The following GJD4 variants were observed in gnomAD, a reference collection of about 807,000 sequenced individuals.
The protein encoded by GJD4 is gap junction protein delta 4, also known as gap junction delta-4 protein.
GJD4 carries 18 observed loss-of-function variants against 17.9 expected under a neutral mutation model. That is an observed-to-expected ratio of 1.00 (90% CI 0.69 to 1.49). The LOEUF is 1.49. GJD4 is among the 40% of genes most tolerant of loss of function. The pLI is 0.00. For synonymous variants in GJD4, 293 were observed against 236.8 expected, an observed-to-expected ratio of 1.24 and a Z score of -2.18; for missense variants, 639 against 506.9, an observed-to-expected ratio of 1.26 and a Z score of -2.50.
intron 1 of GJD4, 81 bp downstream of exon 1, chr10:35,605,712 A>G: frequency 9.1e-7 from 1 of 1,100,310 alleles, no homozygotes; most frequent in Non-Finnish European, 1.4e-6. Flanking sequence ...TAAAGGGTCC[A>G]GGTATTTACT....
rs759952364 is a variant in GJD4, at chr10:35,608,009, G to C, written c.496G>C (p.Gly166Arg). ...AFGALHYFLF[G>R]FLAPKKFPCT... ...CGGGGCCTTGCACTACTTTCTCTTT[G>C]GATTCCTGGCCCCGAAGAAGTTCCC... Residue 166 changes from glycine to arginine, a missense_variant, in exon 2 of 2, where the codon GGA (glycine) becomes CGA (arginine). By Grantham distance (125) the Gly-to-Arg change is moderately radical. Coordinates refer to ENST00000321660, the MANE Select transcript of GJD4 (RefSeq NM_153368.3). 1.9e-6 allele frequency: 3 copies of C among 1,611,944 alleles called. No homozygotes were observed. Among genetic ancestry groups the C allele is most frequent in the Non-Finnish European group, 2.5e-6 (3 of 1,179,556 alleles).
rs200540234 is a variant in GJD4, at chr10:35,607,682, C to G, written c.169C>G (p.Leu57Val). The G allele has an allele frequency of 2.4e-5, 38 of 1,614,166 alleles. No individual in the cohort carries two copies. The Middle Eastern group carries it at 5.0e-4, about 21-fold the overall frequency. ...DEQERFVCNTLQPGCANVCYD... is the reference protein window; with the variant it reads ...DEQERFVCNTVQPGCANVCYD... The stretch of plus-strand genomic sequence containing the variant: ...GCAGGAGAGGTTTGTCTGCAACACG[C>G]TGCAGCCGGGATGCGCCAATGTTTG... The change falls in exon 2 of 2, where the codon CTG becomes GTG. Residue 57 changes from leucine (L) to valine (V), a missense_variant. Transcript: ENST00000321660.
Position 35,608,919 on chromosome 10 carries a change from C to A in GJD4, c.*293C>A. 3 of 202,674 alleles carry A rather than the reference C, an allele frequency of 1.5e-5. No homozygotes were observed. Among genetic ancestry groups the A allele is most frequent in the Non-Finnish European group, 2.6e-5 (3 of 114,690 alleles). The allele number at this position is 202,674 out of a possible 1,614,324, so 12.6% of individuals were successfully genotyped here. A position where few individuals can be genotyped will look rare whatever the true frequency, so the allele number is the denominator to read the frequency against. On this transcript the variant is annotated 3_prime_UTR_variant, in exon 2 of 2. Coordinates refer to ENST00000321660, the MANE Select transcript of GJD4 (RefSeq NM_153368.3). Reference sequence around the variant, plus strand: ...CGGCACTGCGCTGCAGCCTGGGCAACACAGTGAGACCCTGTCAAAAAAAAA... The same window carrying A: ...CGGCACTGCGCTGCAGCCTGGGCAAAACAGTGAGACCCTGTCAAAAAAAAA...
rs201598130 is a variant in GJD4 at position 35,607,654 on chromosome 10, C to A, written c.141C>A (p.Asp47Glu). The change falls in exon 2 of 2, where the codon GAC becomes GAA. Residue 47 changes from aspartate to glutamate, a missense_variant. Asp to Glu is a conservative substitution (Grantham distance 45). Coordinates refer to ENST00000321660, the MANE Select transcript of GJD4 (RefSeq NM_153368.3). ...TGGCGGGGCGACCCGTCTACCAGGA[C>A]GAGCAGGAGAGGTTTGTCTGCAACA... ...IVLAGRPVYQ[D>E]EQERFVCNTL... 1 of 1,614,206 alleles carries A rather than the reference C, an allele frequency of 6.2e-7. No homozygotes were observed. The highest frequency in any genetic ancestry group is 8.5e-7 in the Non-Finnish European group (1 of 1,180,022).
rs111304561 is a variant in GJD4 at position 35,608,232 on chromosome 10, G to C, written c.719G>C (p.Ser240Thr). The change falls in exon 2 of 2, where the codon AGC (serine) becomes ACC (threonine). Residue 240 changes from serine (S) to threonine (T), a missense_variant. Transcript: ENST00000321660. ...ACAAGCCCCTCCATCCGGAAGCAGA[G>C]CGGAGCCTCAGGCCACGCGGAGGGA... ...PPTSPSIRKQ[S>T]GASGHAEGRR... The C allele has an allele frequency of 1.4e-5, 22 of 1,585,862 alleles. No homozygotes were observed. The highest frequency in any genetic ancestry group is 1.2e-4 in the African/African-American group (9 of 74,540).
At position 35,605,641 on chromosome 10, in the gene GJD4, G is replaced by A. The variant is rs1835445409; in HGVS notation, c.64+10G>A. The A allele has an allele frequency of 1.2e-6, 2 of 1,606,310 alleles. No homozygotes were observed. The highest frequency in any genetic ancestry group is 3.3e-5 in the Admixed American group (2 of 59,968). On this transcript the variant is annotated intron_variant, in intron 1 of 1. Transcript: ENST00000321660. ...AACGTGACCATGGTGGGTGAGTATT[G>A]GGACCATCTCCAAACTCCTGCGCTG...
rs371487147 is a variant in GJD4 at position 35,605,651 on chromosome 10, C to T, written c.64+20C>T. On this transcript the variant is annotated intron_variant, in intron 1 of 1. Transcript: ENST00000321660. The stretch of plus-strand genomic sequence containing the variant: ...TGGTGGGTGAGTATTGGGACCATCT[C>T]CAAACTCCTGCGCTGTTTTTATTTC... 2.7e-4 allele frequency: 433 copies of T among 1,585,864 alleles called. 1 individual carries two copies. In the African/African-American group the frequency reaches 4.9e-3, roughly 18 times the overall value.
intron 1 of GJD4, 59 bp from the exon 2 acceptor site, chr10:35,607,519 C>G (rs900144590): frequency 8.8e-7 from 1 of 1,133,930 alleles, no homozygotes. Flanking sequence ...CACTTTAAAG[C>G]TGTTACTCAG....
intron 1 of GJD4, chr10:35,606,748 T>G (rs1465540934): frequency 1.3e-5 from 2 of 152,242 alleles, no homozygotes; most frequent in African/African-American, 4.8e-5. Context: ...AGTTGGCCGG[T>G]GCCATGAAAA....
intron 1 of GJD4, chr10:35,606,435 T>C (rs1422033467): frequency 1.3e-5 from 2 of 152,176 alleles, no homozygotes; most frequent in Non-Finnish European, 2.9e-5. Flanking sequence ...AAGAAAATAA[T>C]AGATTTTTGT....
At chr10:35,605,816 T>A in intron 1 of GJD4, 185 bp downstream of exon 1, 4 of 602,466 alleles carry the variant, frequency 6.6e-6, no homozygotes, top group Non-Finnish European at 1.2e-5. Flanking sequence ...AGGCTTCTAG[T>A]TTCTTTGAAT....
chr10:35,608,923 G>T lies in GJD4; in HGVS notation c.*297G>T. The T allele has an allele frequency of 5.0e-5, 9 of 178,450 alleles. No individual in the cohort carries two copies. Among genetic ancestry groups the T allele is most frequent in the East Asian group, 1.1e-4 (1 of 8,886 alleles). The allele number at this position is 178,450 out of a possible 1,614,324, so 11.1% of individuals were successfully genotyped here. ...ACTGCGCTGCAGCCTGGGCAACACA[G>T]TGAGACCCTGTCAAAAAAAAAAAAA... On this transcript the variant is annotated 3_prime_UTR_variant, in exon 2 of 2. Coordinates refer to ENST00000321660, the MANE Select transcript of GJD4 (RefSeq NM_153368.3).
In GJD4 at chr10:35,607,624, T is replaced by C; in HGVS notation, c.111T>C (p.Ile37=). The change falls in exon 2 of 2, where the codon ATT becomes ATC. Residue 37 remains isoleucine, a synonymous_variant. Coordinates refer to ENST00000321660, the MANE Select transcript of GJD4 (RefSeq NM_153368.3). ...VLTMLLRMLV[I]VLAGRPVYQD... ...CGATGCTGCTGCGGATGCTGGTGAT[T>C]GTCTTGGCGGGGCGACCCGTCTACC... is the stretch of plus-strand genomic sequence containing the variant. The C allele has an allele frequency of 6.2e-7, 1 of 1,614,190 alleles. No homozygotes were observed. The highest frequency in any genetic ancestry group is 8.5e-7 in the Non-Finnish European group (1 of 1,180,024).
Position 35,608,600 on chromosome 10 carries a change from A to G in GJD4, c.1087A>G (p.Arg363Gly). 1 of 1,515,154 alleles carries G rather than the reference A, an allele frequency of 6.6e-7. No homozygotes were observed. Among genetic ancestry groups the G allele is most frequent in the Non-Finnish European group, 8.8e-7 (1 of 1,135,020 alleles). 93.9% of individuals were successfully genotyped at this position (1,515,154 alleles called of 1,614,324 possible). A position where few individuals can be genotyped will look rare whatever the true frequency, so the allele number is the denominator to read the frequency against. Reference protein sequence around the residue: ...PASSSGAPHLRARKSEWV With the variant: ...PASSSGAPHLGARKSEWV ...CAGCTCCAGTGGTGCTCCCCACCTG[A>G]GAGCCAGGAAGTCTGAGTGGGTGTG... The change falls in exon 2 of 2, where the codon AGA becomes GGA. Residue 363 changes from arginine to glycine, a missense_variant. Arg to Gly is a moderately radical substitution (Grantham distance 125). Transcript: ENST00000321660.
Position 35,605,400 on chromosome 10 carries a change from A to C in GJD4, c.-168A>C, listed in dbSNP as rs1835442538. The C allele has an allele frequency of 3.0e-6, 2 of 663,692 alleles. No homozygotes were observed. The highest frequency in any genetic ancestry group is 5.4e-6 in the Non-Finnish European group (2 of 370,666). 41.1% of individuals were successfully genotyped at this position (663,692 alleles called of 1,614,324 possible). A position where few individuals can be genotyped will look rare whatever the true frequency, so the allele number is the denominator to read the frequency against. ...AGGCAAACGGCTTAGGGCCGTCTCA[A>C]CTTGGAGACAGAAAAACCCACCTCC... On this transcript the variant is annotated 5_prime_UTR_variant, in exon 1 of 2. Coordinates refer to ENST00000321660, the MANE Select transcript of GJD4 (RefSeq NM_153368.3).
rs1835498357 is a variant in GJD4 at position 35,608,656 on chromosome 10, C to T, written c.*30C>T. ...AACAGCACCTGGCGGTGCCCCGGGG[C>T]TCACGCCTGTAATCCCAACACTTTG... On this transcript the variant is annotated 3_prime_UTR_variant, in exon 2 of 2. Coordinates refer to ENST00000321660, the MANE Select transcript of GJD4 (RefSeq NM_153368.3). 5.6e-6 allele frequency: 8 copies of T among 1,436,294 alleles called. No homozygotes were observed. Among genetic ancestry groups the T allele is most frequent in the Admixed American group, 2.9e-5 (1 of 34,922 alleles). The allele number at this position is 1,436,294 out of a possible 1,614,324, so 89.0% of individuals were successfully genotyped here.
In GJD4 at chr10:35,608,369, G is replaced by C; in HGVS notation, c.856G>C (p.Gly286Arg). 1 of 1,552,692 alleles carries C rather than the reference G, an allele frequency of 6.4e-7. No homozygotes were observed. The highest frequency in any genetic ancestry group is 8.7e-7 in the Non-Finnish European group (1 of 1,148,802). The change falls in exon 2 of 2, where the codon GGG (glycine) becomes CGG (arginine). Residue 286 changes from glycine (G) to arginine (R), a missense_variant. Physicochemically the swap from Gly to Arg is moderately radical, Grantham distance 125. Coordinates refer to ENST00000321660, the MANE Select transcript of GJD4 (RefSeq NM_153368.3). Reference protein sequence around the residue: ...GSPRRTSRVSGHTKIPDEDES... With the variant: ...GSPRRTSRVSRHTKIPDEDES... ...CCCCAGGCGTACATCCAGGGTGTCAGGGCACACGAAGATTCCGGATGAGGA... is the reference window on the plus strand; with the variant it reads ...CCCCAGGCGTACATCCAGGGTGTCACGGCACACGAAGATTCCGGATGAGGA...
Position 35,607,890 on chromosome 10 carries a change from G to C in GJD4, c.377G>C (p.Arg126Pro), listed in dbSNP as rs374732161. 4.3e-5 allele frequency: 69 copies of C among 1,592,978 alleles called. No homozygotes were observed. The highest frequency in any genetic ancestry group is 5.6e-5 in the Non-Finnish European group (66 of 1,174,704). ...GCCTCCGGGCAGAGACGCTGCCCGC[G>C]GCCATTCGGGGAGCGCGGCGGCCTC... is the stretch of plus-strand genomic sequence containing the variant. ...EPASGQRRCP[R>P]PFGERGGLQV... Residue 126 changes from arginine (R) to proline (P), a missense_variant, in exon 2 of 2, where the codon CGG (arginine) becomes CCG (proline). Physicochemically the swap from Arg to Pro is moderately radical, Grantham distance 103 (BLOSUM62 -2). Coordinates refer to ENST00000321660, the MANE Select transcript of GJD4 (RefSeq NM_153368.3).
Position 35,608,269 on chromosome 10 carries a change from CG to C in GJD4, c.757del (p.Glu253ArgfsTer46), listed in dbSNP as rs1471229262. On this transcript the variant is annotated frameshift_variant, in exon 2 of 2. Transcript: ENST00000321660. LOFTEE classifies it high-confidence loss of function. ...SGHAEGRRTD[E>X]EGGREEEGAP... ...GCCACGCGGAGGGACGCCGGACTGA[CG>C]AGGAGGGTGGGCGGGAGGAAGAGGG... The C allele has an allele frequency of 6.4e-7, 1 of 1,566,832 alleles. No individual in the cohort carries two copies. Among genetic ancestry groups the C allele is most frequent in the Non-Finnish European group, 8.6e-7 (1 of 1,161,190 alleles).
Sources: gnomAD v4.1 joint callset for allele counts on GRCh38, gnomAD v4.1.1 for gene constraint, MANE v1.5 for transcripts, NCBI Gene and HGNC (gene_info 2026-07-23, HGNC 2026-07-21) for gene names.